Variants in EYA1 observed in about 807,000 individuals in gnomAD.
EYA1 encodes the protein protein phosphatase EYA1.
A neutral mutation model predicts 82.0 loss-of-function variants in EYA1; 16 were observed. That is an observed-to-expected ratio of 0.20 (90% CI 0.13 to 0.30). The LOEUF is 0.30. Ranked by LOEUF, EYA1 falls within the 10% of genes least tolerant of loss-of-function variation. The pLI is 1.00. For missense variants in EYA1, 633 were observed against 730.7 expected (o/e 0.87, Z 1.54); for synonymous variants, 261 against 264.4 (o/e 0.99, Z 0.12).
intron 2 of EYA1, among the ~76,000 whole-genome samples, chr8:71,519,912 C>T (rs1813261285): frequency 6.6e-6 from 1 of 152,100 alleles, no homozygotes; most frequent in South Asian, 2.1e-4. Context: ...ATGAAGAAAT[C>T]CCTGGACAGG....
At chr8:71,238,385 G>A (rs758345367) in intron 12 of EYA1, among the ~76,000 whole-genome samples, 7 of 152,054 alleles carry the variant, frequency 4.6e-5, no homozygotes, top group Non-Finnish European at 8.8e-5. Context: ...GTCAAAAATT[G>A]CTAGGTATTT....
intron 2 of EYA1, among the ~76,000 whole-genome samples, chr8:71,523,403 C>T (rs1813585309): frequency 6.6e-6 from 1 of 151,982 alleles, no homozygotes; most frequent in African/African-American, 2.4e-5. Context: ...TGGTCTCCAT[C>T]TCCTGACCTC....
chr8:71,291,994 A>T (rs189107741), intron 9 of EYA1, among the ~76,000 whole-genome samples: 1 of 150,800 alleles, frequency 6.6e-6, no homozygotes, highest in East Asian at 1.9e-4. Context: ...TAAATACAGC[A>T]CAGTAATTGG....
chr8:71,336,308 C>T (rs1473186383), intron 3 of EYA1, among the ~76,000 whole-genome samples: 3 of 152,206 alleles, frequency 2.0e-5, no homozygotes, highest in Non-Finnish European at 4.4e-5. Flanking sequence ...CCCTGCTCTC[C>T]TACGGTCTTA....
At chr8:71,464,998 TA>T (rs1808675082) in intron 2 of EYA1, among the ~76,000 whole-genome samples, 1 of 152,338 alleles carries the variant, frequency 6.6e-6, no homozygotes, top group East Asian at 1.9e-4. Context: ...CGTCTTATTG[TA>T]AAATGTATAT....
At chr8:71,342,225 T>C (rs1252595994) in intron 3 of EYA1, among the ~76,000 whole-genome samples, 1 of 152,170 alleles carries the variant, frequency 6.6e-6, no homozygotes, top group Non-Finnish European at 1.5e-5. Flanking sequence ...CTCTACCGAC[T>C]CCAGGATGAA....
In EYA1 at chr8:71,198,113, ATAAT is replaced by A. The variant is rs1360280893; in HGVS notation, c.*1223_*1226del. ...TTTATCGAAAGAAAATGCAGACACG[ATAAT>A]TAATAATTCTGAGCACATGAAAACT... On this transcript the variant is annotated 3_prime_UTR_variant, in exon 18 of 18. Coordinates refer to ENST00000340726, the MANE Select transcript of EYA1 (RefSeq NM_000503.6). 6.6e-6 allele frequency: 1 copy of A among 152,564 alleles called. No homozygotes were observed. The highest frequency in any genetic ancestry group is 2.1e-4 in the South Asian group (1 of 4,834). 9.5% of individuals were successfully genotyped at this position (152,564 alleles called of 1,614,324 possible).
At chr8:71,487,951 A>G (rs1269165721) in intron 2 of EYA1, among the ~76,000 whole-genome samples, 2 of 152,196 alleles carry the variant, frequency 1.3e-5, no homozygotes, top group Non-Finnish European at 2.9e-5. Flanking sequence ...CAGCAGTTCA[A>G]TTCCTGGAAG....
intron 12 of EYA1, among the ~76,000 whole-genome samples, chr8:71,242,075 G>A (rs1224427111): frequency 1.3e-5 from 2 of 152,024 alleles, no homozygotes; most frequent in Non-Finnish European, 2.9e-5. Flanking sequence ...CACGCATGGT[G>A]GTGTGTATCT....
At chr8:71,405,625 C>T (rs777593366) in intron 2 of EYA1, among the ~76,000 whole-genome samples, 2 of 152,278 alleles carry the variant, frequency 1.3e-5, no homozygotes, top group East Asian at 1.9e-4. Flanking sequence ...AATGAATGCA[C>T]GCTAAGCCAC....
chr8:71,372,910 G>A (rs1828165035), intron 2 of EYA1, among the ~76,000 whole-genome samples: 1 of 152,032 alleles, frequency 6.6e-6, no homozygotes, highest in Admixed American at 6.5e-5. Flanking sequence ...GTGCAAGAAT[G>A]ACATTTAACA....
At chr8:71,199,719 T>A (rs978151921) in intron 17 of EYA1, among the ~76,000 whole-genome samples, 2 of 152,230 alleles carry the variant, frequency 1.3e-5, no homozygotes, top group Admixed American at 6.5e-5. Flanking sequence ...AAAAGAACGT[T>A]GCCAAATATG....
chr8:71,337,156 A>C (rs1372875769), intron 3 of EYA1, among the ~76,000 whole-genome samples: 2 of 152,196 alleles, frequency 1.3e-5, no homozygotes, highest in African/African-American at 2.4e-5. Flanking sequence ...TTAGAGGTTT[A>C]AGGTACTGTA....
At chr8:71,518,964 T>C (rs536017211) in intron 2 of EYA1, among the ~76,000 whole-genome samples, 8 of 152,228 alleles carry the variant, frequency 5.3e-5, no homozygotes, top group Non-Finnish European at 1.2e-4. Context: ...TAGTAGTACA[T>C]AGTTGCACTA....
chr8:71,231,674 T>C (rs1480891275), intron 12 of EYA1, among the ~76,000 whole-genome samples: 1 of 152,252 alleles, frequency 6.6e-6, no homozygotes, highest in Non-Finnish European at 1.5e-5. Context: ...CCTCAGTGCC[T>C]AGCTAGTGTC....
At chr8:71,224,047 G>C (rs551170258) in intron 12 of EYA1, among the ~76,000 whole-genome samples, 1 of 152,212 alleles carries the variant, frequency 6.6e-6, no homozygotes, top group South Asian at 2.1e-4. Flanking sequence ...GGACACTGAT[G>C]CTGTATACTT....
chr8:71,518,737 C>G (rs1371215416), intron 2 of EYA1, among the ~76,000 whole-genome samples: 1 of 152,070 alleles, frequency 6.6e-6, no homozygotes, highest in Non-Finnish European at 1.5e-5. Flanking sequence ...TCTTTTTGTT[C>G]AAATTAATTC....
chr8:71,538,659 T>A (rs889327004), intron 1 of EYA1, among the ~76,000 whole-genome samples: 3 of 152,078 alleles, frequency 2.0e-5, no homozygotes, highest in African/African-American at 7.2e-5. Flanking sequence ...TATATAGAGG[T>A]GAACTTAGAG....
chr8:71,427,444 G>A (rs1805314909), intron 2 of EYA1, among the ~76,000 whole-genome samples: 2 of 152,318 alleles, frequency 1.3e-5, no homozygotes, highest in South Asian at 4.1e-4. Flanking sequence ...CAGAAATAAA[G>A]AGAGATGGAA....
Sources: allele counts gnomAD v4.1 joint callset (sites outside exome capture counted in the v4.1 genomes callset), GRCh38; gene constraint gnomAD v4.1.1; transcripts MANE v1.5; gene names NCBI Gene and HGNC (gene_info 2026-07-23, HGNC 2026-07-21).